The following GABRB1 variants were observed in gnomAD, a reference collection of about 807,000 sequenced individuals.
The protein encoded by GABRB1 is gamma-aminobutyric acid type A receptor subunit beta1, also known as gamma-aminobutyric acid receptor subunit beta-1.
GABRB1 carries 17 observed loss-of-function variants against 51.6 expected under a neutral mutation model. That is an observed-to-expected ratio of 0.33 (90% CI 0.23 to 0.49). The LOEUF is 0.49. Ranked by LOEUF, GABRB1 falls within the 20% of genes least tolerant of loss-of-function variation. GABRB1 has a pLI of 0.99. For synonymous variants in GABRB1, 247 were observed against 218.9 expected, an observed-to-expected ratio of 1.13 and a Z score of -1.14; for missense variants, 410 against 600.6, an observed-to-expected ratio of 0.68 and a Z score of 3.32.
At chr4:47,350,186 TATATATATATATA>T (rs1358617991) in intron 5 of GABRB1, among the ~76,000 whole-genome samples, 1 of 46,056 alleles carries the variant, frequency 2.2e-5, no homozygotes, top group African/African-American at 7.5e-5. Flanking sequence ...GCTCAGATTA[TATATATATATATA>T]TATATATATA....
chr4:47,251,353 G>A (rs1318280807), intron 4 of GABRB1, among the ~76,000 whole-genome samples: 1 of 152,168 alleles, frequency 6.6e-6, no homozygotes, highest in Non-Finnish European at 1.5e-5. Flanking sequence ...GAGGTGGCAG[G>A]GGGATGCATT....
chr4:47,307,120 C>A (rs1430191912), intron 4 of GABRB1, among the ~76,000 whole-genome samples: 3 of 152,100 alleles, frequency 2.0e-5, no homozygotes, highest in Admixed American at 2.0e-4. Flanking sequence ...TGTCACCAGA[C>A]AATCTTGGCC....
At chr4:47,399,839 G>A (rs372210656) in intron 5 of GABRB1, among the ~76,000 whole-genome samples, 11 of 152,014 alleles carry the variant, frequency 7.2e-5, no homozygotes, top group South Asian at 2.1e-4. Flanking sequence ...TACTTTTTCC[G>A]TTGAAAACAC....
chr4:47,097,637 C>A (rs929274741), intron 3 of GABRB1, among the ~76,000 whole-genome samples: 1 of 152,124 alleles, frequency 6.6e-6, no homozygotes, highest in African/African-American at 2.4e-5. Flanking sequence ...ATTTCTGATT[C>A]TCTGGTGCCT....
intron 5 of GABRB1, among the ~76,000 whole-genome samples, chr4:47,399,461 CCTT>C (rs1728305774): frequency 6.6e-6 from 1 of 150,908 alleles, no homozygotes; most frequent in Admixed American, 6.6e-5. Flanking sequence ...TTCTGTGCCT[CCTT>C]ATTTGAGCTT....
At chr4:47,137,394 C>A (rs912825203) in intron 3 of GABRB1, among the ~76,000 whole-genome samples, 1 of 152,000 alleles carries the variant, frequency 6.6e-6, no homozygotes, top group Non-Finnish European at 1.5e-5. Flanking sequence ...ACAGAACAGA[C>A]AGGTGATAAA....
At chr4:47,005,289 G>A (rs1376157617) in intron 1 of GABRB1, among the ~76,000 whole-genome samples, 8 of 152,112 alleles carry the variant, frequency 5.3e-5, no homozygotes, top group Non-Finnish European at 8.8e-5. Context: ...ATGGTGGCGG[G>A]CGCCTGTAGT....
intron 8 of GABRB1, among the ~76,000 whole-genome samples, 194 bp from the exon 9 acceptor site, chr4:47,425,480 T>TGATAGATAGATAGATAGATA (rs3138735): frequency 1.5e-4 from 21 of 142,318 alleles, no homozygotes; most frequent in East Asian, 2.1e-4. Flanking sequence ...TGGATGATGA[T>TGATAGATAGATAGATAGATA]GATAGATAGA....
At chr4:47,302,648 G>A (rs1200496912) in intron 4 of GABRB1, among the ~76,000 whole-genome samples, 1 of 151,880 alleles carries the variant, frequency 6.6e-6, no homozygotes, top group African/African-American at 2.4e-5. Flanking sequence ...CTAAAAATAA[G>A]ATTTTCAGGG....
intron 1 of GABRB1, among the ~76,000 whole-genome samples, chr4:47,004,330 C>T (rs1315651549): frequency 6.6e-6 from 1 of 152,054 alleles, no homozygotes. Context: ...TTTAATTTTT[C>T]CCAGTGGTTA....
intron 3 of GABRB1, among the ~76,000 whole-genome samples, chr4:47,053,522 C>T (rs894474254): frequency 1.2e-4 from 19 of 152,284 alleles, no homozygotes; most frequent in African/African-American, 4.6e-4. Context: ...AAATCCCCAC[C>T]TTCTAATGCC....
At chr4:47,169,081 T>C (rs2109751116) in intron 4 of GABRB1, among the ~76,000 whole-genome samples, 1 of 152,278 alleles carries the variant, frequency 6.6e-6, no homozygotes, top group Admixed American at 6.5e-5. Context: ...GGTCATATTC[T>C]AAGTCACGGA....
rs186164659 is a variant in GABRB1, at chr4:47,173,491, C to T, written c.461+12022C>T. ...CTGAAAATATTTAAGACATGAAACA[C>T]AAGGCTTAATGGCACAAAAATGGAA... On this transcript the variant is annotated intron_variant, in intron 4 of 8. Coordinates refer to ENST00000295454, the MANE Select transcript of GABRB1 (RefSeq NM_000812.4). Among the ~76,000 whole-genome samples, 8 of 152,234 alleles carry T rather than the reference C, an allele frequency of 5.3e-5. No homozygotes were observed. In the East Asian group the frequency reaches 1.5e-3, roughly 29 times the overall value.
chr4:47,009,483 A>G (rs1048885309), intron 1 of GABRB1, among the ~76,000 whole-genome samples: 16 of 152,202 alleles, frequency 1.1e-4, no homozygotes, highest in Non-Finnish European at 2.2e-4. Context: ...AATGTGTTTA[A>G]TGTGCTTACA....
chr4:47,403,825 C>A, intron 7 of GABRB1, 114 bp downstream of exon 7: 2 of 923,708 alleles, frequency 2.2e-6, no homozygotes, highest in Non-Finnish European at 3.2e-6. Flanking sequence ...ATTAGATCAT[C>A]TTACAAGTCC....
At chr4:47,340,657 T>C (rs1268947840) in intron 5 of GABRB1, among the ~76,000 whole-genome samples, 1 of 152,042 alleles carries the variant, frequency 6.6e-6, no homozygotes, top group Non-Finnish European at 1.5e-5. Flanking sequence ...CATGATTTAA[T>C]CACCTCCCAA....
At chr4:47,400,306 T>C (rs1381724530) in intron 5 of GABRB1, among the ~76,000 whole-genome samples, 8 of 152,274 alleles carry the variant, frequency 5.3e-5, no homozygotes, top group African/African-American at 1.7e-4. Context: ...GAGTTCAAGC[T>C]ATTATTTGCT....
intron 5 of GABRB1, among the ~76,000 whole-genome samples, chr4:47,362,126 A>G (rs1162114609): frequency 6.6e-6 from 1 of 152,174 alleles, no homozygotes; most frequent in Non-Finnish European, 1.5e-5. Context: ...AAACAATATC[A>G]GAGAAGCCAC....
chr4:47,300,998 C>G (rs1724238569), intron 4 of GABRB1, among the ~76,000 whole-genome samples: 1 of 152,088 alleles, frequency 6.6e-6, no homozygotes, highest in Non-Finnish European at 1.5e-5. Flanking sequence ...ATGATCAGAT[C>G]ATGAAACCAA....
Sources: gnomAD v4.1 joint callset for allele counts (sites outside exome capture counted in the v4.1 genomes callset) on GRCh38, gnomAD v4.1.1 for gene constraint, MANE v1.5 for transcripts, NCBI Gene and HGNC (gene_info 2026-07-23, HGNC 2026-07-21) for gene names.